The following EPAS1 variants were observed in gnomAD, a reference collection of about 807,000 sequenced individuals.
EPAS1 encodes the protein endothelial PAS domain protein 1, also known as endothelial PAS domain-containing protein 1.
EPAS1 carries 23 observed loss-of-function variants against 87.9 expected under a neutral mutation model. That is an observed-to-expected ratio of 0.26 (90% CI 0.19 to 0.37). The LOEUF (loss-of-function observed/expected upper bound fraction) is 0.37. Among genes scored for constraint, EPAS1 ranks in the 10% least tolerant of loss-of-function variants. The pLI is 1.00. For missense variants in EPAS1, 1,138 were observed against 1,120.7 expected (o/e 1.02, Z -0.22); for synonymous variants, 508 against 444.3 (o/e 1.14, Z -1.80).
At chr2:46,343,691 G>C (rs1683954722) in intron 1 of EPAS1, among the ~76,000 whole-genome samples, 1 of 152,224 alleles carries the variant, frequency 6.6e-6, no homozygotes, top group South Asian at 2.1e-4. Context: ...TGAACCAAGA[G>C]GCTGCCTAAG....
At chr2:46,377,770 G>C (rs150914140) in intron 9 of EPAS1, 124 bp from the exon 10 acceptor site, 355 of 1,511,976 alleles carry the variant, frequency 2.3e-4, no homozygotes, top group East Asian at 2.3e-3. Context: ...GTGTTGGGGG[G>C]GCCTAGCCCC....
At chr2:46,328,125 G>C in intron 1 of EPAS1, among the ~76,000 whole-genome samples, 1 of 152,086 alleles carries the variant, frequency 6.6e-6, no homozygotes, top group South Asian at 2.1e-4. Flanking sequence ...GGCTTACACA[G>C]GTAAAAAAGA....
chr2:46,322,121 T>C (rs1683466173), intron 1 of EPAS1, among the ~76,000 whole-genome samples: 1 of 152,162 alleles, frequency 6.6e-6, no homozygotes, highest in African/African-American at 2.4e-5. Flanking sequence ...TCTTCCTTCT[T>C]CTTGGGGGAG....
At chr2:46,356,129 T>TGGGGGGGGGGG in intron 2 of EPAS1, 22 bp from the exon 3 acceptor site, 1 of 1,242,732 alleles carries the variant, frequency 8.0e-7, no homozygotes. Context: ...ATGCAAGCTG[T>TGGGGGGGGGGG]CCCACCCCCC....
intron 1 of EPAS1, among the ~76,000 whole-genome samples, chr2:46,342,806 C>T (rs1281965256): frequency 6.6e-6 from 1 of 152,182 alleles, no homozygotes; most frequent in East Asian, 1.9e-4. Context: ...GAGGTTTTTC[C>T]TGGATGAACT....
intron 14 of EPAS1, 112 bp from the exon 15 acceptor site, chr2:46,382,313 T>C (rs547649411): frequency 1.9e-4 from 265 of 1,405,532 alleles, no homozygotes; most frequent in Admixed American, 4.0e-4. Context: ...AGGTTGGCTG[T>C]AGTTCTGGTG....
chr2:46,379,178 A>G (rs1572648244), intron 11 of EPAS1, among the ~76,000 whole-genome samples: 1 of 152,262 alleles, frequency 6.6e-6, no homozygotes, highest in African/African-American at 2.4e-5. Flanking sequence ...TATGAAATGC[A>G]CTTTAAAATA....
chr2:46,317,367 C>T (rs1284757399), intron 1 of EPAS1, among the ~76,000 whole-genome samples: 4 of 152,138 alleles, frequency 2.6e-5, no homozygotes, highest in Non-Finnish European at 5.9e-5. Context: ...CAGAATTACT[C>T]CTTGATCCAT....
rs1429644800 is a variant in EPAS1 at position 46,382,527 on chromosome 2, G to T, written c.2390G>T (p.Ser797Ile). 6.2e-7 allele frequency: 1 copy of T among 1,614,160 alleles called. No homozygotes were observed. The highest frequency in any genetic ancestry group is 1.7e-5 in the Admixed American group (1 of 60,026). Residue 797 changes from serine (S) to isoleucine (I), a missense_variant, in exon 15 of 16, where the codon AGC becomes ATC. Around this residue, in one of 4 missense-constraint regions of EPAS1, gnomAD observed 502 missense variants for 427.1 expected, o/e 1.18. Transcript: ENST00000263734. ...SAISPGENSK[S>I]RFPPQCYATQ... Reference sequence around the variant, plus strand: ...ATCAGTCCCGGGGAGAACAGCAAGAGCAGGTTCCCCCCACAGTGCTACGCC... The same window carrying T: ...ATCAGTCCCGGGGAGAACAGCAAGATCAGGTTCCCCCCACAGTGCTACGCC...
At chr2:46,379,852 C>CCTAA in intron 11 of EPAS1, 1 of 364,424 alleles carries the variant, frequency 2.7e-6, no homozygotes, top group Non-Finnish European at 5.3e-6. Flanking sequence ...GCACCACAGG[C>CCTAA]CTAAGCATTG....
intron 1 of EPAS1, among the ~76,000 whole-genome samples, chr2:46,339,843 T>C (rs1197076228): frequency 6.6e-6 from 1 of 152,180 alleles, no homozygotes; most frequent in Non-Finnish European, 1.5e-5. Context: ...CTCCACATGG[T>C]GGAAGGGGTG....
At position 46,380,353 on chromosome 2, in the gene EPAS1, C is replaced by A. The variant is rs545395785; in HGVS notation, c.1681C>A (p.Gln561Lys). Residue 561 changes from glutamine (Q) to lysine (K), a missense_variant, in exon 12 of 16, where the codon CAG (glutamine) becomes AAG (lysine). Physicochemically the swap from Gln to Lys is moderately conservative, Grantham distance 53. Around this residue, in one of 4 missense-constraint regions of EPAS1, gnomAD observed 502 missense variants for 427.1 expected, o/e 1.18. Transcript: ENST00000263734. The surrounding 1 kb of genome is among the most constrained non-coding windows in gnomAD (Gnocchi z 4.4). ...GGCGGAGAACCCACAGTCCACCCCC[C>A]AGCACTGCTTCAGTGCCATGACAAA... ...LLAENPQSTP[Q>K]HCFSAMTNIF... 4.2e-5 allele frequency: 67 copies of A among 1,614,178 alleles called. 1 individual carries two copies. In the South Asian group the frequency reaches 4.4e-4, roughly 11 times the overall value.
At chr2:46,362,503 A>G (rs1684414370) in intron 6 of EPAS1, among the ~76,000 whole-genome samples, 1 of 152,232 alleles carries the variant, frequency 6.6e-6, no homozygotes, top group Admixed American at 6.5e-5. Flanking sequence ...TCTGACCCCC[A>G]GATCAGCAAG....
intron 1 of EPAS1, among the ~76,000 whole-genome samples, chr2:46,343,753 C>T (rs1683955724): frequency 6.6e-6 from 1 of 152,216 alleles, no homozygotes; most frequent in Admixed American, 6.5e-5. Flanking sequence ...TTCTTTATTT[C>T]TTGCCAAAGC....
At chr2:46,337,151 T>G (rs1205113128) in intron 1 of EPAS1, among the ~76,000 whole-genome samples, 1 of 152,226 alleles carries the variant, frequency 6.6e-6, no homozygotes, top group African/African-American at 2.4e-5. Context: ...GTACTACTGA[T>G]GCTTTAGAGG....
At chr2:46,320,341 C>T (rs1422929816) in intron 1 of EPAS1, among the ~76,000 whole-genome samples, 2 of 152,190 alleles carry the variant, frequency 1.3e-5, no homozygotes, top group Non-Finnish European at 2.9e-5. Flanking sequence ...GACAGTAAGA[C>T]TTAATTGGTC....
intron 2 of EPAS1, among the ~76,000 whole-genome samples, chr2:46,351,862 C>G (rs1185711575): frequency 6.6e-6 from 1 of 152,216 alleles, no homozygotes; most frequent in Non-Finnish European, 1.5e-5. Flanking sequence ...TGCTCTGCCA[C>G]TCTGCCTGCT....
chr2:46,316,726 T>C (rs1683348615), intron 1 of EPAS1, among the ~76,000 whole-genome samples: 1 of 152,150 alleles, frequency 6.6e-6, no homozygotes, highest in African/African-American at 2.4e-5. Context: ...TTGGGGTGGC[T>C]GTGGCAATTC....
chr2:46,345,132 C>G (rs577872723), intron 1 of EPAS1, among the ~76,000 whole-genome samples: 1 of 152,150 alleles, frequency 6.6e-6, no homozygotes, highest in East Asian at 1.9e-4. Context: ...TCGCTGGATG[C>G]TTTTTTATTT....
Sources: allele counts gnomAD v4.1 joint callset (sites outside exome capture counted in the v4.1 genomes callset), GRCh38; gene constraint gnomAD v4.1.1; regional missense constraint gnomAD v4.1.1; non-coding constraint Gnocchi (gnomAD v3.1); transcripts MANE v1.5; gene names NCBI Gene and HGNC (gene_info 2026-07-23, HGNC 2026-07-21).